TENM1: variants seen among roughly 807,000 people sequenced by gnomAD.
The protein encoded by TENM1 is teneurin-1.
A neutral mutation model predicts 174.8 loss-of-function variants in TENM1; 35 were observed. The observed-to-expected ratio is 0.20, with a 90% CI of 0.15 to 0.27. The LOEUF (loss-of-function observed/expected upper bound fraction) is 0.27. Ranked by LOEUF, TENM1 falls within the 10% of genes least tolerant of loss-of-function variation. The pLI, the probability that TENM1 is intolerant of heterozygous loss-of-function variation, is 1.00. For missense variants in TENM1, 1,633 were observed against 2,130.1 expected, an observed-to-expected ratio of 0.77 and a Z score of 4.59; for synonymous variants, 781 against 798.7, an observed-to-expected ratio of 0.98 and a Z score of 0.37.
chrX:124,603,496 A>G (rs2050078669), intron 11 of TENM1, among the ~76,000 whole-genome samples: 1 of 111,498 alleles, frequency 9.0e-6, no homozygotes, highest in African/African-American at 3.3e-5. Context: ...ACCTCACTCT[A>G]CACATGAGGG....
At chrX:124,849,196 G>A (rs997407069) in intron 3 of TENM1, among the ~76,000 whole-genome samples, 1 of 111,155 alleles carries the variant, frequency 9.0e-6, no homozygotes, top group African/African-American at 3.3e-5. Context: ...CCAGTGAATT[G>A]TCTATTATTT....
At chrX:124,950,176 G>A (rs1010586728) in intron 1 of TENM1, among the ~76,000 whole-genome samples, 3 of 111,561 alleles carry the variant, frequency 2.7e-5, no homozygotes, top group African/African-American at 9.8e-5. Flanking sequence ...TGATGATACT[G>A]TGCTAGGCTA....
the TENM1 span, among the ~76,000 whole-genome samples, chrX:125,038,101 C>T: frequency 1.8e-5 from 2 of 111,310 alleles, no homozygotes; most frequent in Non-Finnish European, 3.8e-5. Flanking sequence ...TTATCTCATT[C>T]CAGGCACTCC....
At chrX:124,940,520 C>T (rs765226057) in intron 1 of TENM1, among the ~76,000 whole-genome samples, 1 of 111,754 alleles carries the variant, frequency 8.9e-6, no homozygotes, top group East Asian at 2.8e-4. Context: ...TAAATTCATA[C>T]CACTTTTTGC....
At chrX:124,846,951 G>A (rs1468417437) in intron 3 of TENM1, among the ~76,000 whole-genome samples, 7 of 111,374 alleles carry the variant, frequency 6.3e-5, no homozygotes, top group Non-Finnish European at 1.1e-4. Flanking sequence ...ACATTAGCAC[G>A]GTAAACACTG....
At chrX:124,916,776 TTCTCTCTC>T (rs376505358) in intron 1 of TENM1, among the ~76,000 whole-genome samples, 6 of 101,975 alleles carry the variant, frequency 5.9e-5, no homozygotes, top group East Asian at 3.1e-4. Flanking sequence ...TTCACCCCCT[TTCTCTCTC>T]TCTCTCTCTC....
At chrX:124,591,189 G>C (rs999415862) in intron 11 of TENM1, among the ~76,000 whole-genome samples, 1 of 111,528 alleles carries the variant, frequency 9.0e-6, no homozygotes, top group African/African-American at 3.3e-5. Flanking sequence ...TCCAACTTGT[G>C]ACTCTGTGTC....
intron 11 of TENM1, among the ~76,000 whole-genome samples, chrX:124,597,286 A>G (rs1428299392): frequency 8.9e-6 from 1 of 112,199 alleles, no homozygotes; most frequent in African/African-American, 3.2e-5. Flanking sequence ...ATGTCCATCA[A>G]TCAACAAGAG....
chrX:125,026,853 T>C, the TENM1 span, among the ~76,000 whole-genome samples: 2 of 112,238 alleles, frequency 1.8e-5, no homozygotes, highest in Non-Finnish European at 3.8e-5. Flanking sequence ...TTAAATGTGA[T>C]GAAGTAAATT....
intron 5 of TENM1, among the ~76,000 whole-genome samples, chrX:124,702,526 A>C (rs1414005277): frequency 2.7e-5 from 3 of 112,472 alleles, no homozygotes; most frequent in Admixed American, 1.9e-4. Context: ...TCTTAGTGGC[A>C]CTCACCATGG....
the TENM1 span, among the ~76,000 whole-genome samples, chrX:125,096,359 G>A: frequency 1.8e-5 from 2 of 110,317 alleles, no homozygotes; most frequent in African/African-American, 6.5e-5. Context: ...AAAAGCCAAT[G>A]CAATTTTAAT....
chrX:124,846,989 C>T (rs1267503074), intron 3 of TENM1, among the ~76,000 whole-genome samples: 1 of 111,640 alleles, frequency 9.0e-6, no homozygotes, highest in Non-Finnish European at 1.9e-5. Context: ...CTAAGTAATG[C>T]TAATGCTAGG....
chrX:124,560,876 G>C (rs1375947145), intron 14 of TENM1, among the ~76,000 whole-genome samples: 3 of 111,479 alleles, frequency 2.7e-5, no homozygotes, highest in Admixed American at 9.5e-5. Context: ...GGAAAGTGAG[G>C]ATTTGTTGTT....
At chrX:124,821,044 C>A (rs2056026186) in intron 3 of TENM1, among the ~76,000 whole-genome samples, 1 of 112,420 alleles carries the variant, frequency 8.9e-6, no homozygotes, top group African/African-American at 3.2e-5. Flanking sequence ...CATAAATATG[C>A]TCTTATTTCC....
At chrX:124,779,059 A>G (rs1049614743) in intron 3 of TENM1, among the ~76,000 whole-genome samples, 2 of 111,663 alleles carry the variant, frequency 1.8e-5, no homozygotes, top group Non-Finnish European at 3.8e-5. Context: ...CGTAGAGGAT[A>G]ATGAAAATCA....
intron 3 of TENM1, among the ~76,000 whole-genome samples, chrX:124,867,640 G>A (rs770793357): frequency 1.8e-5 from 2 of 111,922 alleles, no homozygotes; most frequent in East Asian, 5.6e-4. Flanking sequence ...CCTAGCTAGA[G>A]TAATCATATA....
At chrX:124,693,981 T>G (rs971552056) in intron 5 of TENM1, among the ~76,000 whole-genome samples, 4 of 111,261 alleles carry the variant, frequency 3.6e-5, no homozygotes, top group African/African-American at 1.3e-4. Context: ...AATAATGGCT[T>G]TTGGATAGGG....
chrX:124,399,709 G>A (rs900691241), intron 27 of TENM1, among the ~76,000 whole-genome samples: 1 of 112,221 alleles, frequency 8.9e-6, no homozygotes, highest in East Asian at 2.8e-4. Flanking sequence ...ACTCGTGCCT[G>A]AAGTCCCAGC....
chrX:124,398,223 T>TA (rs1210784703), intron 27 of TENM1, among the ~76,000 whole-genome samples: 331 of 97,101 alleles, frequency 3.4e-3, no homozygotes, highest in African/African-American at 0.01. Context: ...GCAAGACTCT[T>TA]AAAAAAAAAA....
Sources: allele counts gnomAD v4.1 joint callset (sites outside exome capture counted in the v4.1 genomes callset), GRCh38; gene constraint gnomAD v4.1.1; transcripts MANE v1.5; gene names NCBI Gene and HGNC (gene_info 2026-07-23, HGNC 2026-07-21).